GPR63: variants seen among roughly 807,000 people sequenced by gnomAD.
GPR63 encodes G protein-coupled receptor 63, also known as probable G protein-coupled receptor 63.
GPR63 carries 12 observed loss-of-function variants against 23.1 expected under a neutral mutation model. The observed-to-expected ratio is 0.52, with a 90% CI of 0.33 to 0.84. The LOEUF (loss-of-function observed/expected upper bound fraction) is 0.84. GPR63 is among the 40% of genes least tolerant of loss of function. GPR63 has a pLI of 0.02. For missense variants in GPR63, 472 were observed against 515.6 expected (o/e 0.92, Z 0.82); for synonymous variants, 172 against 191.1 (o/e 0.90, Z 0.82).
At chr6:96,832,369 A>G (rs368311615) in intron 1 of GPR63, among the ~76,000 whole-genome samples, 8 of 151,582 alleles carry the variant, frequency 5.3e-5, no homozygotes, top group African/African-American at 1.7e-4. Flanking sequence ...GGCTCAAGCA[A>G]TCCTCCCACT....
chr6:96,835,941 C>A (rs918566894), intron 1 of GPR63, among the ~76,000 whole-genome samples: 25 of 152,230 alleles, frequency 1.6e-4, no homozygotes, highest in African/African-American at 6.0e-4. Context: ...TCAAGGCACT[C>A]TTTTATTTAA....
Position 96,799,622 on chromosome 6 carries a change from T to C in GPR63, c.110A>G (p.His37Arg). Residue 37 changes from histidine (H) to arginine (R), a missense_variant, in exon 2 of 2, where the codon CAT (histidine) becomes CGT (arginine). By Grantham distance (29) the His-to-Arg change is conservative (BLOSUM62 0). Transcript: ENST00000229955. ...TCTAAGCAATGGACTGAGGTCAGGA[T>C]GCTGGAATGGTGGAGGGAGTGTAAT... is the stretch of plus-strand genomic sequence containing the variant. The part of the protein sequence containing the change: ...MNITLPPPFQ[H>R]PDLSPLLRYS... The C allele has an allele frequency of 6.2e-7, 1 of 1,614,140 alleles. No individual in the cohort carries two copies.
At chr6:96,827,284 C>T (rs1446236399) in intron 1 of GPR63, among the ~76,000 whole-genome samples, 2 of 151,874 alleles carry the variant, frequency 1.3e-5, no homozygotes, top group Non-Finnish European at 2.9e-5. Context: ...GACAAAGTGG[C>T]GTATTAGACA....
At chr6:96,826,468 AAG>A (rs1430258213) in intron 1 of GPR63, among the ~76,000 whole-genome samples, 1 of 152,208 alleles carries the variant, frequency 6.6e-6, no homozygotes, top group Non-Finnish European at 1.5e-5. Flanking sequence ...TGAAATTAAA[AAG>A]AGAAAGGTAT....
At chr6:96,809,642 C>G in intron 1 of GPR63, among the ~76,000 whole-genome samples, 1 of 152,128 alleles carries the variant, frequency 6.6e-6, no homozygotes, top group East Asian at 1.9e-4. Flanking sequence ...TAACCCAGTA[C>G]TACATAAAAC....
chr6:96,805,881 C>G lies in GPR63; in HGVS notation c.-150-6000G>C, dbSNP rs59380568. ...GTTGTCTCTTTGGCTTTGTACAAAACAGATGGATTTTGAAGAGTGCAGATG... is the reference window on the plus strand; with the variant it reads ...GTTGTCTCTTTGGCTTTGTACAAAAGAGATGGATTTTGAAGAGTGCAGATG... On this transcript the variant is annotated intron_variant, in intron 1 of 1. Transcript: ENST00000229955. Among the ~76,000 whole-genome samples, 538 of 152,304 alleles carry G rather than the reference C, an allele frequency of 3.5e-3. 6 individuals carry two copies. The highest frequency in any genetic ancestry group is 0.012 in the African/African-American group (515 of 41,564).
intron 1 of GPR63, among the ~76,000 whole-genome samples, chr6:96,826,966 T>A (rs1422521302): frequency 6.6e-6 from 1 of 151,254 alleles, no homozygotes; most frequent in East Asian, 1.9e-4. Flanking sequence ...ACAGCAAATG[T>A]ATTTCCCCTC....
intron 1 of GPR63, among the ~76,000 whole-genome samples, chr6:96,828,897 A>T (rs1774509802): frequency 6.6e-6 from 1 of 152,166 alleles, no homozygotes; most frequent in Non-Finnish European, 1.5e-5. Flanking sequence ...TTTAATTCAA[A>T]CAATACTATT....
chr6:96,801,342 G>A (rs1773760596), intron 1 of GPR63, among the ~76,000 whole-genome samples: 1 of 152,014 alleles, frequency 6.6e-6, no homozygotes. Flanking sequence ...TGGGATTACA[G>A]GTATGCACCA....
At chr6:96,822,926 T>A (rs574009045) in intron 1 of GPR63, among the ~76,000 whole-genome samples, 1 of 152,190 alleles carries the variant, frequency 6.6e-6, no homozygotes, top group African/African-American at 2.4e-5. Flanking sequence ...TATAAGATTA[T>A]AATGGAGCTG....
chr6:96,823,891 C>A lies in GPR63; in HGVS notation c.-151+13377G>T, dbSNP rs112515562. 2.4e-3 allele frequency among the ~76,000 whole-genome samples: 361 copies of A among 152,210 alleles called. 2 individuals are homozygous for A. The highest frequency in any genetic ancestry group is 8.2e-3 in the African/African-American group (340 of 41,518). On this transcript the variant is annotated intron_variant, in intron 1 of 1. Coordinates refer to ENST00000229955, the MANE Select transcript of GPR63 (RefSeq NM_030784.4). Reference sequence around the variant, plus strand: ...TGTAGCCCAGAGACAATAGCCTACACCATAATATAGCCTAGGTGTAGAGCA... The same window carrying A: ...TGTAGCCCAGAGACAATAGCCTACAACATAATATAGCCTAGGTGTAGAGCA...
Position 96,799,401 on chromosome 6 carries a change from C to T in GPR63, c.331G>A (p.Ala111Thr). Residue 111 changes from alanine (A) to threonine (T), a missense_variant, in exon 2 of 2, where the codon GCC becomes ACC. Physicochemically the swap from Ala to Thr is moderately conservative, Grantham distance 58. Transcript: ENST00000229955. The stretch of plus-strand genomic sequence containing the variant: ...AGGATGTTAATTGCAGACCTCATGG[C>T]AGCTTTTTGGTAAACCATGAGGCAA... The part of the protein sequence containing the change: ...VVCLMVYQKA[A>T]MRSAINILLA... 2 of 1,614,120 alleles carry T rather than the reference C, an allele frequency of 1.2e-6. No homozygotes were observed. The highest frequency in any genetic ancestry group is 1.7e-6 in the Non-Finnish European group (2 of 1,180,022).
At chr6:96,824,801 T>C (rs1774398996) in intron 1 of GPR63, among the ~76,000 whole-genome samples, 1 of 152,126 alleles carries the variant, frequency 6.6e-6, no homozygotes, top group South Asian at 2.1e-4. Context: ...CGTGAGTTAT[T>C]GTCCCCACAT....
At chr6:96,822,227 A>G (rs540755552) in intron 1 of GPR63, among the ~76,000 whole-genome samples, 1 of 152,276 alleles carries the variant, frequency 6.6e-6, no homozygotes, top group East Asian at 1.9e-4. Context: ...TGAAATAAAG[A>G]TCATTCTGCT....
intron 1 of GPR63, among the ~76,000 whole-genome samples, chr6:96,801,807 T>C (rs1162764311): frequency 6.6e-6 from 1 of 152,212 alleles, no homozygotes; most frequent in Non-Finnish European, 1.5e-5. Context: ...AAAACATACC[T>C]GGATAAGATG....
In GPR63 at chr6:96,800,255, T is replaced by C. The variant is rs117110907; in HGVS notation, c.-150-374A>G. Among the ~76,000 whole-genome samples, 1,244 of 152,334 alleles carry C rather than the reference T, an allele frequency of 8.2e-3. 12 individuals are homozygous for C. The highest frequency in any genetic ancestry group is 0.051 in the Middle Eastern group (15 of 294). On this transcript the variant is annotated intron_variant, in intron 1 of 1. Coordinates refer to ENST00000229955, the MANE Select transcript of GPR63 (RefSeq NM_030784.4). ...AGTCACTATTAATACAGATTTTTAT[T>C]ACCTGGTTCTCTTGAGCACTATTTT... is the stretch of plus-strand genomic sequence containing the variant.
At position 96,795,804 on chromosome 6, in the gene GPR63, A is replaced by G. The variant is rs1462261346; in HGVS notation, c.*2668T>C. The G allele has an allele frequency of 6.6e-6, 1 of 152,226 alleles. No individual in the cohort carries two copies. Among genetic ancestry groups the G allele is most frequent in the African/African-American group, 2.4e-5 (1 of 41,472 alleles). 9.4% of individuals were successfully genotyped at this position (152,226 alleles called of 1,614,324 possible). ...GACTTTCCTCAGAGAAAAGTCTAAT[A>G]AAAAATGTCCTTATCAATATCTGCT... On this transcript the variant is annotated 3_prime_UTR_variant, in exon 2 of 2. Coordinates refer to ENST00000229955, the MANE Select transcript of GPR63 (RefSeq NM_030784.4).
At chr6:96,834,661 GA>G (rs746560483) in intron 1 of GPR63, among the ~76,000 whole-genome samples, 31 of 149,518 alleles carry the variant, frequency 2.1e-4, no homozygotes, top group African/African-American at 7.4e-4. Flanking sequence ...GCAAATTAAA[GA>G]AAAAAAAACC....
intron 1 of GPR63, among the ~76,000 whole-genome samples, chr6:96,835,656 T>C (rs1774707855): frequency 6.6e-6 from 1 of 152,202 alleles, no homozygotes; most frequent in South Asian, 2.1e-4. Flanking sequence ...TCTCCAAGAA[T>C]GTTCAGCTTG....
Sources: gnomAD v4.1 joint callset for allele counts (sites outside exome capture counted in the v4.1 genomes callset) on GRCh38, gnomAD v4.1.1 for gene constraint, MANE v1.5 for transcripts, NCBI Gene and HGNC (gene_info 2026-07-23, HGNC 2026-07-21) for gene names.